PSMA4: variants seen among roughly 807,000 people sequenced by gnomAD.
PSMA4 encodes the protein proteasome subunit alpha type-4.
A neutral mutation model predicts 37.2 loss-of-function variants in PSMA4; 8 were observed. The ratio of observed to expected loss-of-function variants is 0.22; its 90% confidence interval spans 0.13 to 0.39. The LOEUF (loss-of-function observed/expected upper bound fraction) is 0.39, where lower values mean the gene tolerates loss of function less well. Ranked by LOEUF, PSMA4 falls within the 10% of genes least tolerant of loss-of-function variation. The probability of loss-of-function intolerance (pLI) is 1.00; values close to 1 mark genes in which losing one functional copy is unlikely to be tolerated. For synonymous variants in PSMA4, 93 were observed against 98.8 expected (o/e 0.94, Z 0.35); for missense variants, 169 against 305.1 (o/e 0.55, Z 3.32).
Position 78,549,079 on chromosome 15 carries a change from T to C in PSMA4, c.*135T>C, listed in dbSNP as rs369831856. On this transcript the variant is annotated 3_prime_UTR_variant, in exon 9 of 9. Coordinates refer to ENST00000044462, the MANE Select transcript of PSMA4 (RefSeq NM_002789.6). ...GACATTACATACTGAATTGGGTCCTTGTCATTTCTGTCCAATTGAATACTT... is the reference window on the plus strand; with the variant it reads ...GACATTACATACTGAATTGGGTCCTCGTCATTTCTGTCCAATTGAATACTT... 5.3e-5 allele frequency: 67 copies of C among 1,254,838 alleles called. No individual in the cohort carries two copies. The East Asian group carries it at 1.0e-3, about 19-fold the overall frequency. The allele number at this position is 1,254,838 out of a possible 1,614,324, so 77.7% of individuals were successfully genotyped here.
Position 78,545,587 on chromosome 15 carries a change from A to G in PSMA4, c.377-47A>G, listed in dbSNP as rs759453615. 6.3e-6 allele frequency: 10 copies of G among 1,586,466 alleles called. No individual in the cohort carries two copies. In the African/African-American group the frequency reaches 1.2e-4, roughly 19 times the overall value. ...ACTGAGCTCAAGTAACTGTAGTGATACTAAATTTAGATTATTGATATGTTT... is the reference window on the plus strand; with the variant it reads ...ACTGAGCTCAAGTAACTGTAGTGATGCTAAATTTAGATTATTGATATGTTT... On this transcript the variant is annotated intron_variant, in intron 6 of 8. Transcript: ENST00000044462.
At chr15:78,546,728 C>A in intron 8 of PSMA4, 30 bp downstream of exon 8, 1 of 1,568,258 alleles carries the variant, frequency 6.4e-7, no homozygotes, top group Non-Finnish European at 8.6e-7. Flanking sequence ...TTAATTCTTT[C>A]GACTGAGTGA....
At chr15:78,544,781 G>A in intron 5 of PSMA4, 88 bp from the exon 6 acceptor site, 1 of 835,976 alleles carries the variant, frequency 1.2e-6, no homozygotes, top group Non-Finnish European at 2.0e-6. Context: ...TTGTCCCCAT[G>A]GCATAGATTG....
At chr15:78,541,641 C>T (rs2052454841) in intron 1 of PSMA4, 2 of 437,926 alleles carry the variant, frequency 4.6e-6, no homozygotes, top group Non-Finnish European at 4.1e-6. Context: ...AAAATACTTT[C>T]TTGATTCTTT....
rs775748459 is a variant in PSMA4, at chr15:78,546,735, G to A, written c.631+37G>A. 7.1e-6 allele frequency: 11 copies of A among 1,555,078 alleles called. No individual in the cohort carries two copies. The East Asian group carries it at 2.1e-4, about 30-fold the overall frequency. Reference sequence around the variant, plus strand: ...CCTCTCCTTTAATTCTTTCGACTGAGTGAGGGAAATTAGCAGCTGTTAAGA... The same window carrying A: ...CCTCTCCTTTAATTCTTTCGACTGAATGAGGGAAATTAGCAGCTGTTAAGA... On this transcript the variant is annotated intron_variant, in intron 8 of 8. Coordinates refer to ENST00000044462, the MANE Select transcript of PSMA4 (RefSeq NM_002789.6).
chr15:78,542,309 T>C (rs761255477), intron 3 of PSMA4, 90 bp downstream of exon 3: 56 of 1,439,870 alleles, frequency 3.9e-5, no homozygotes, highest in Non-Finnish European at 5.2e-5. Context: ...TTTTGGTAGT[T>C]GCAAAGTTCA....
rs1367018598 is a variant in PSMA4, at chr15:78,544,137, ACT to A, written c.210-51_210-50del. 3 of 1,344,384 alleles carry A rather than the reference ACT, an allele frequency of 2.2e-6. No individual in the cohort carries two copies. In the East Asian group the frequency reaches 6.9e-5, roughly 31 times the overall value. 83.3% of individuals were successfully genotyped at this position (1,344,384 alleles called of 1,614,324 possible). ...TAGAATTTTTTAAATACTTATAAAC[ACT>A]CCTTGCAAGCATCTTCCCTGCTTAC... On this transcript the variant is annotated intron_variant, in intron 4 of 8. Transcript: ENST00000044462.
rs1403064565 is a variant in PSMA4, at chr15:78,546,609, A to G, written c.542A>G (p.Glu181Gly). The G allele has an allele frequency of 1.2e-6, 2 of 1,601,762 alleles. No individual in the cohort carries two copies. Among genetic ancestry groups the G allele is most frequent in the Non-Finnish European group, 1.7e-6 (2 of 1,176,736 alleles). ...AVSMLKQDYK[E>G]GEMTLKSALA... Reference sequence around the variant, plus strand: ...TCAATGTTGAAACAAGACTATAAAGAAGGAGAAATGACCTTGAAGTCAGCA... The same window carrying G: ...TCAATGTTGAAACAAGACTATAAAGGAGGAGAAATGACCTTGAAGTCAGCA... Residue 181 changes from glutamate to glycine, a missense_variant, in exon 8 of 9, where the codon GAA becomes GGA. Physicochemically the swap from Glu to Gly is moderately conservative, Grantham distance 98. Coordinates refer to ENST00000044462, the MANE Select transcript of PSMA4 (RefSeq NM_002789.6).
chr15:78,546,270 C>G (rs1474644228), intron 7 of PSMA4, among the ~76,000 whole-genome samples: 2 of 151,984 alleles, frequency 1.3e-5, no homozygotes, highest in Admixed American at 6.6e-5. Flanking sequence ...ATAGCAGAAC[C>G]CCATCTCTAC....
intron 8 of PSMA4, among the ~76,000 whole-genome samples, chr15:78,548,464 T>C (rs1385609241): frequency 6.6e-6 from 1 of 152,210 alleles, no homozygotes; most frequent in Non-Finnish European, 1.5e-5. Context: ...AGATTCTGGC[T>C]GAGCCCTCAG....
In PSMA4 at chr15:78,542,231, A is replaced by T. The variant is rs781141569; in HGVS notation, c.46+12A>T. ...ATTTTCTCCAGAAGGTAAAATAGAA[A>T]TTGTTTAATCTGCCTCAAGTTTAAA... is the stretch of plus-strand genomic sequence containing the variant. On this transcript the variant is annotated intron_variant, in intron 3 of 8. Coordinates refer to ENST00000044462, the MANE Select transcript of PSMA4 (RefSeq NM_002789.6). 3.8e-6 allele frequency: 6 copies of T among 1,590,278 alleles called. No homozygotes were observed. The highest frequency in any genetic ancestry group is 8.5e-7 in the Non-Finnish European group (1 of 1,171,282).
Position 78,545,678 on chromosome 15 carries a change from A to T in PSMA4, c.421A>T (p.Lys141Ter). The T allele has an allele frequency of 6.2e-7, 1 of 1,614,052 alleles. No individual in the cohort carries two copies. Among genetic ancestry groups the T allele is most frequent in the Non-Finnish European group, 8.5e-7 (1 of 1,179,892 alleles). ...GVSLLYIGWD[K>*]HYGFQLYQSD... ...TTCATTGCTGTACATTGGCTGGGAT[A>T]AGCACTATGGCTTTCAGCTCTATCA... The change falls in exon 7 of 9, where the codon AAG becomes TAG. Residue 141 changes from lysine (K) to a stop codon, truncating the protein, a stop_gained. Transcript: ENST00000044462. LOFTEE classifies it high-confidence loss of function.
At chr15:78,547,324 T>A (rs900507448) in intron 8 of PSMA4, among the ~76,000 whole-genome samples, 2 of 152,202 alleles carry the variant, frequency 1.3e-5, no homozygotes, top group African/African-American at 4.8e-5. Context: ...AGTTATCAAG[T>A]CTTCTCATCA....
intron 4 of PSMA4, among the ~76,000 whole-genome samples, chr15:78,543,465 T>A (rs2052492108): frequency 6.6e-6 from 1 of 151,762 alleles, no homozygotes; most frequent in African/African-American, 2.4e-5. Context: ...CTGTACTTCC[T>A]AAGCAGGCTT....
chr15:78,551,100 T>C lies in PSMA4; in HGVS notation c.*2156T>C, dbSNP rs2052637119. ...CACCATTATCTCTGACTTGGACTAT[T>C]GCAACAGCCTCCTAACTGGTTCCTT... On this transcript the variant is annotated 3_prime_UTR_variant, in exon 9 of 9. Coordinates refer to ENST00000044462, the MANE Select transcript of PSMA4 (RefSeq NM_002789.6). 6.6e-6 allele frequency: 1 copy of C among 152,188 alleles called. No homozygotes were observed. The highest frequency in any genetic ancestry group is 1.5e-5 in the Non-Finnish European group (1 of 68,050). The allele number at this position is 152,188 out of a possible 1,614,324, so 9.4% of individuals were successfully genotyped here.
At chr15:78,546,925 C>G (rs1159278046) in intron 8 of PSMA4, among the ~76,000 whole-genome samples, 3 of 152,228 alleles carry the variant, frequency 2.0e-5, no homozygotes, top group East Asian at 3.9e-4. Context: ...GCCACCATGC[C>G]CAGCTAATTT....
chr15:78,546,919 C>T (rs1466704241), intron 8 of PSMA4, among the ~76,000 whole-genome samples: 1 of 152,132 alleles, frequency 6.6e-6, no homozygotes, highest in African/African-American at 2.4e-5. Context: ...GCTCGCGCCA[C>T]CATGCCCAGC....
intron 3 of PSMA4, 28 bp downstream of exon 3, chr15:78,542,247 C>G: frequency 6.4e-7 from 1 of 1,568,240 alleles, no homozygotes; most frequent in Middle Eastern, 1.7e-4. Context: ...TAATCTGCCT[C>G]AAGTTTAAAA....
At chr15:78,545,794 A>G (rs1044345029) in intron 7 of PSMA4, 30 bp downstream of exon 7, 6 of 1,609,932 alleles carry the variant, frequency 3.7e-6, no homozygotes, top group Non-Finnish European at 5.1e-6. Flanking sequence ...TATAAAATCT[A>G]GCAGAATGTC....
Sources: gnomAD v4.1 joint callset for allele counts (sites outside exome capture counted in the v4.1 genomes callset) on GRCh38, gnomAD v4.1.1 for gene constraint, MANE v1.5 for transcripts, NCBI Gene and HGNC (gene_info 2026-07-23, HGNC 2026-07-21) for gene names.